The following PNPT1 variants were observed in gnomAD, a reference collection of about 807,000 sequenced individuals.
PNPT1 encodes polyribonucleotide nucleotidyltransferase 1, mitochondrial.
A neutral mutation model predicts 119.5 loss-of-function variants in PNPT1; 53 were observed. The observed-to-expected ratio is 0.44, with a 90% CI of 0.36 to 0.56. PNPT1 has a LOEUF of 0.56. PNPT1 is among the 20% of genes least tolerant of loss of function. The probability of loss-of-function intolerance (pLI) is 0.00; values close to 1 mark genes in which losing one functional copy is unlikely to be tolerated. For synonymous variants in PNPT1, 357 were observed against 322.1 expected (o/e 1.11, Z -1.16); for missense variants, 948 against 938.5 (o/e 1.01, Z -0.13).
chr2:55,670,255 C>T (rs547065024), intron 11 of PNPT1, among the ~76,000 whole-genome samples: 5 of 151,940 alleles, frequency 3.3e-5, no homozygotes, highest in Non-Finnish European at 7.4e-5. Context: ...GGCGCGATCT[C>T]GACTCGCTGC....
intron 1 of PNPT1, among the ~76,000 whole-genome samples, chr2:55,690,768 A>G (rs568183926): frequency 6.6e-6 from 1 of 152,308 alleles, no homozygotes; most frequent in South Asian, 2.1e-4. Context: ...AGATGTTATA[A>G]TGATGAAAGC....
chr2:55,641,204 C>A (rs1695824563), intron 25 of PNPT1, among the ~76,000 whole-genome samples: 1 of 151,830 alleles, frequency 6.6e-6, no homozygotes, highest in Non-Finnish European at 1.5e-5. Context: ...AACCTGGCAA[C>A]AGAGTGAGAC....
In PNPT1 at chr2:55,671,351, T is replaced by C. The variant is rs35405862; in HGVS notation, c.944A>G (p.Lys315Arg). 1,209 of 1,542,178 alleles carry C rather than the reference T, an allele frequency of 7.8e-4. 15 individuals are homozygous for C. The African/African-American group carries it at 0.016, about 20-fold the overall frequency. Residue 315 changes from lysine to arginine, a missense_variant, in exon 11 of 28, where the codon AAA becomes AGA. Transcript: ENST00000447944. ...TTGTTCCTCCGTATCTAATCTTATT[T>C]TGTTAACAGCTTCATCTCTGGAAAC... ...DKVSRDEAVNKIRLDTEEQLK... is the reference protein window; with the variant it reads ...DKVSRDEAVNRIRLDTEEQLK...
intron 8 of PNPT1, among the ~76,000 whole-genome samples, chr2:55,673,942 C>T (rs1336926766): frequency 6.6e-6 from 1 of 151,814 alleles, no homozygotes; most frequent in African/African-American, 2.4e-5. Context: ...AGGCTGCTCT[C>T]GAACTCCTGA....
At chr2:55,650,283 C>G (rs959346712) in intron 18 of PNPT1, among the ~76,000 whole-genome samples, 3 of 152,320 alleles carry the variant, frequency 2.0e-5, no homozygotes, top group Admixed American at 6.5e-5. Context: ...CCTGCGATTG[C>G]AGGCGCGCGC....
chr2:55,637,665 A>G (rs1309729812), intron 26 of PNPT1, 66 bp from the exon 27 acceptor site: 2 of 1,323,234 alleles, frequency 1.5e-6, no homozygotes, highest in Admixed American at 1.9e-5. Context: ...GGAAGTACAC[A>G]TTTTTTCCTC....
At chr2:55,639,256 T>A (rs1448963222) in intron 26 of PNPT1, among the ~76,000 whole-genome samples, 1 of 152,188 alleles carries the variant, frequency 6.6e-6, no homozygotes, top group Non-Finnish European at 1.5e-5. Context: ...TTTCAACTTC[T>A]TTGTACATTA....
intron 1 of PNPT1, among the ~76,000 whole-genome samples, chr2:55,691,878 A>ATATATATATTTTTTTT (rs1326804958): frequency 1.2e-4 from 4 of 33,106 alleles, no homozygotes; most frequent in Non-Finnish European, 2.3e-4. Flanking sequence ...ATATATATAT[A>ATATATATATTTTTTTT]TTTTTTTTTT....
At chr2:55,639,280 A>T (rs1695771343) in intron 26 of PNPT1, among the ~76,000 whole-genome samples, 1 of 152,142 alleles carries the variant, frequency 6.6e-6, no homozygotes, top group African/African-American at 2.4e-5. Context: ...ACTTTTCAAA[A>T]TAATAAGGTG....
intron 1 of PNPT1, among the ~76,000 whole-genome samples, chr2:55,692,411 T>C (rs961697334): frequency 2.6e-5 from 4 of 152,194 alleles, no homozygotes; most frequent in Admixed American, 2.6e-4. Flanking sequence ...TTTTGCTTTT[T>C]GTATGAACTG....
intron 1 of PNPT1, among the ~76,000 whole-genome samples, chr2:55,690,066 C>A (rs1380124830): frequency 6.6e-6 from 1 of 152,184 alleles, no homozygotes; most frequent in Non-Finnish European, 1.5e-5. Flanking sequence ...AAGCAATCCT[C>A]CTGCCTTGGC....
Position 55,673,076 on chromosome 2 carries a change from ATGAC to A in PNPT1, c.680-1_682del. On this transcript the variant is annotated splice_acceptor_variant and coding_sequence_variant, in exon 9 of 28. Transcript: ENST00000447944. LOFTEE classifies it high-confidence loss of function. Reference sequence around the variant, plus strand: ...AATGTTCTCTGCAGAGGCTTCCAACATGACTATTTAAAGGAAAAAGAAAAAAAAA... The same window carrying A: ...AATGTTCTCTGCAGAGGCTTCCAACATATTTAAAGGAAAAAGAAAAAAAAA... The A allele has an allele frequency of 6.4e-7, 1 of 1,565,466 alleles. No individual in the cohort carries two copies. The highest frequency in any genetic ancestry group is 8.6e-7 in the Non-Finnish European group (1 of 1,164,356).
intron 21 of PNPT1, among the ~76,000 whole-genome samples, chr2:55,645,749 T>C (rs928387392): frequency 6.6e-6 from 1 of 151,978 alleles, no homozygotes; most frequent in African/African-American, 2.4e-5. Flanking sequence ...AGGCTGGTCT[T>C]GAACTCCTGG....
At chr2:55,643,933 C>T (rs1695913032) in intron 23 of PNPT1, among the ~76,000 whole-genome samples, 1 of 152,110 alleles carries the variant, frequency 6.6e-6, no homozygotes, top group Non-Finnish European at 1.5e-5. Flanking sequence ...TAGGTAGGCC[C>T]TGGGGATACA....
chr2:55,651,885 C>CAAAAAAAAAAAAAAAAAAAAAAAA, intron 18 of PNPT1, among the ~76,000 whole-genome samples: 1 of 119,774 alleles, frequency 8.3e-6, no homozygotes, highest in Non-Finnish European at 1.7e-5. Flanking sequence ...AAAGGAAAGT[C>CAAAAAAAAAAAAAAAAAAAAAAAA]AAAAAAAAAA....
chr2:55,662,068 C>T, intron 13 of PNPT1, 42 bp from the exon 14 acceptor site: 2 of 1,450,484 alleles, frequency 1.4e-6, no homozygotes, highest in Non-Finnish European at 1.8e-6. Flanking sequence ...ATATACTAAC[C>T]ACAAAGATGA....
intron 18 of PNPT1, among the ~76,000 whole-genome samples, chr2:55,648,893 C>T (rs1297186981): frequency 6.6e-6 from 1 of 152,124 alleles, no homozygotes; most frequent in African/African-American, 2.4e-5. Flanking sequence ...TAAAACCTAC[C>T]ATCTTTCATT....
chr2:55,664,159 G>C (rs912378764), intron 13 of PNPT1, among the ~76,000 whole-genome samples: 7 of 152,212 alleles, frequency 4.6e-5, no homozygotes, highest in Admixed American at 2.0e-4. Flanking sequence ...TAAAATACAT[G>C]ATTGTATGAA....
At chr2:55,672,534 C>G (rs188930888) in intron 9 of PNPT1, among the ~76,000 whole-genome samples, 56 of 152,324 alleles carry the variant, frequency 3.7e-4, no homozygotes, top group Admixed American at 1.2e-3. Flanking sequence ...GTTCTAAGCA[C>G]TGGGCATGTA....
Sources: allele counts gnomAD v4.1 joint callset (sites outside exome capture counted in the v4.1 genomes callset), GRCh38; gene constraint gnomAD v4.1.1; transcripts MANE v1.5; gene names NCBI Gene and HGNC (gene_info 2026-07-23, HGNC 2026-07-21).